The following FAM47E variants were observed in gnomAD, a reference collection of about 807,000 sequenced individuals.
FAM47E encodes the protein protein FAM47E.
A neutral mutation model predicts 41.6 loss-of-function variants in FAM47E; 32 were observed. The ratio of observed to expected loss-of-function variants is 0.77; its 90% CI spans 0.58 to 1.03. The LOEUF (loss-of-function observed/expected upper bound fraction) is 1.03. FAM47E is among the 50% of genes least tolerant of loss of function. The pLI is 0.00. For synonymous variants in FAM47E, 184 were observed against 188.7 expected, an observed-to-expected ratio of 0.98 and a Z score of 0.20; for missense variants, 424 against 485.4, an observed-to-expected ratio of 0.87 and a Z score of 1.19.
chr4:76,265,774 A>G (rs1451758790), intron 3 of FAM47E, among the ~76,000 whole-genome samples: 1 of 152,186 alleles, frequency 6.6e-6, no homozygotes, highest in East Asian at 1.9e-4. Flanking sequence ...GAGGGGAAAG[A>G]GAGGGGCGTG....
chr4:76,261,224 G>T (rs954732005), intron 2 of FAM47E, among the ~76,000 whole-genome samples: 1 of 152,180 alleles, frequency 6.6e-6, no homozygotes, highest in Non-Finnish European at 1.5e-5. Flanking sequence ...CACTGTTGAT[G>T]AGACTGTAAG....
intron 2 of FAM47E, among the ~76,000 whole-genome samples, chr4:76,258,533 T>C (rs747841501): frequency 3.3e-5 from 5 of 152,166 alleles, no homozygotes; most frequent in African/African-American, 7.2e-5. Context: ...AGTGGGGCAT[T>C]TGGGGACAGG....
chr4:76,274,735 C>A (rs1735027145), intron 5 of FAM47E, among the ~76,000 whole-genome samples: 1 of 152,168 alleles, frequency 6.6e-6, no homozygotes, highest in Admixed American at 6.5e-5. Flanking sequence ...TGTGTAAGTG[C>A]TGGACACTGC....
At position 76,256,311 on chromosome 4, in the gene FAM47E, C is replaced by T. The variant is rs1262694711; in HGVS notation, c.208C>T (p.Pro70Ser). 6.4e-7 allele frequency: 1 copy of T among 1,551,562 alleles called. No individual in the cohort carries two copies. The highest frequency in any genetic ancestry group is 8.7e-7 in the Non-Finnish European group (1 of 1,147,010). Residue 70 changes from proline to serine, a missense_variant, in exon 2 of 8, where the codon CCT becomes TCT. Physicochemically the swap from Pro to Ser is moderately conservative, Grantham distance 74. Transcript: ENST00000424749. ...TTGCACTGGTCTGGTGACTCAGGTC[C>T]CTGTGGAGGGCTTTCTGCCCCAGAT... ...PPCTGLVTQV[P>S]VEGFLPQIYH...
chr4:76,269,865 A>G (rs1373782886), intron 4 of FAM47E, among the ~76,000 whole-genome samples: 2 of 151,834 alleles, frequency 1.3e-5, no homozygotes, highest in Non-Finnish European at 2.9e-5. Flanking sequence ...CCAAGAACCT[A>G]TATAGTTGCC....
At chr4:76,215,930 G>C (rs1175600748) in intron 1 of FAM47E, among the ~76,000 whole-genome samples, 1 of 152,168 alleles carries the variant, frequency 6.6e-6, no homozygotes, top group Non-Finnish European at 1.5e-5. Context: ...GTGTTGGTGT[G>C]GTAGGTTACT....
rs3733254 is a variant in FAM47E at position 76,271,459 on chromosome 4, A to T, written c.670-109A>T. On this transcript the variant is annotated intron_variant, in intron 4 of 7. Transcript: ENST00000424749. ...AATGAATGCTGACTGAGCATTTTCTACCTCTCCCCAAACTACCTCTTTCCT... is the reference window on the plus strand; with the variant it reads ...AATGAATGCTGACTGAGCATTTTCTTCCTCTCCCCAAACTACCTCTTTCCT... The T allele has an allele frequency of 2.7e-4, 350 of 1,297,954 alleles. No homozygotes were observed. In the East Asian group the frequency reaches 8.3e-3, roughly 31 times the overall value. The allele number at this position is 1,297,954 out of a possible 1,614,324, so 80.4% of individuals were successfully genotyped here. A position where few individuals can be genotyped will look rare whatever the true frequency, so the allele number is the denominator to read the frequency against.
At chr4:76,252,891 A>G (rs564519586) in intron 1 of FAM47E, among the ~76,000 whole-genome samples, 6 of 152,316 alleles carry the variant, frequency 3.9e-5, no homozygotes, top group African/African-American at 9.6e-5. Context: ...TAATTGAACT[A>G]GAGACCTTAC....
upstream of FAM47E, among the ~76,000 whole-genome samples, chr4:76,248,518 T>A (rs1322732545): frequency 1.3e-5 from 2 of 152,170 alleles, no homozygotes; most frequent in African/African-American, 4.8e-5. Context: ...CTTGTCCATC[T>A]TGTTCCTAGT....
intron 2 of FAM47E, among the ~76,000 whole-genome samples, chr4:76,220,704 T>C (rs192145651): frequency 9.8e-5 from 15 of 152,354 alleles, no homozygotes; most frequent in Non-Finnish European, 1.9e-4. Flanking sequence ...ATTTCTGATG[T>C]GAGTAATGGT....
At chr4:76,237,358 TTTTTTTGTTTGTTTGTTTG>T (rs1733608170) in intron 2 of FAM47E, among the ~76,000 whole-genome samples, 1 of 137,082 alleles carries the variant, frequency 7.3e-6, no homozygotes, top group African/African-American at 2.6e-5. Flanking sequence ...AGAGTTTTTT[TTTTTTTGTTTGTTTGTTTG>T]TTTTTTTTTT....
At chr4:76,258,637 T>G (rs1219992635) in intron 2 of FAM47E, among the ~76,000 whole-genome samples, 1 of 152,150 alleles carries the variant, frequency 6.6e-6, no homozygotes, top group Non-Finnish European at 1.5e-5. Flanking sequence ...TTTATCCAAG[T>G]GGTGCTGATT....
At chr4:76,228,492 G>A (rs1837868) in intron 2 of FAM47E, among the ~76,000 whole-genome samples, 22,124 of 135,322 alleles carry the variant, frequency 0.16, 1,919 homozygotes, top group East Asian at 0.35. Flanking sequence ...AAAAAAAAAA[G>A]AAAGAAAGAA....
upstream of FAM47E, among the ~76,000 whole-genome samples, chr4:76,249,507 C>G (rs1422021636): frequency 6.6e-6 from 1 of 152,046 alleles, no homozygotes; most frequent in Non-Finnish European, 1.5e-5. Context: ...TTGTCACAAC[C>G]TTTGGAGATT....
chr4:76,228,860 G>A (rs1347741155), intron 2 of FAM47E, among the ~76,000 whole-genome samples: 2 of 152,072 alleles, frequency 1.3e-5, no homozygotes, highest in Non-Finnish European at 2.9e-5. Context: ...AATTTCCTGG[G>A]TGTTCTTTGA....
rs1332240117 is a variant in FAM47E, at chr4:76,256,216, C to T, written c.113C>T (p.Thr38Ile). The T allele has an allele frequency of 1.9e-6, 3 of 1,551,664 alleles. No homozygotes were observed. The Admixed American group carries it at 5.9e-5, about 30-fold the overall frequency. The change falls in exon 2 of 8, where the codon ACC (threonine) becomes ATC (isoleucine). Residue 38 changes from threonine to isoleucine, a missense_variant. By Grantham distance (89) the Thr-to-Ile change is moderately conservative. Coordinates refer to ENST00000424749, the MANE Select transcript of FAM47E (RefSeq NM_001136570.3). ...TKHKNGLKFP[T>I]SLHSRQLVFP... ...CACAAGAACGGGCTGAAGTTCCCCA[C>T]CTCTCTGCACAGCCGGCAGTTGGTA...
In FAM47E at chr4:76,263,801, C is replaced by T. The variant is rs982121618; in HGVS notation, c.518C>T (p.Thr173Met). The change falls in exon 3 of 8, where the codon ACG becomes ATG. Residue 173 changes from threonine to methionine, a missense_variant. By Grantham distance (81) the Thr-to-Met change is moderately conservative (BLOSUM62 -1). Transcript: ENST00000424749. ...ACCAGGAAAGGAATGAAGGAACCCA[C>T]GAAGCTTTTAAAAAAACATTCTACC... ...QDTRKGMKEP[T>M]KLLKKHSTQV... 57 of 1,551,350 alleles carry T rather than the reference C, an allele frequency of 3.7e-5. No individual in the cohort carries two copies. The highest frequency in any genetic ancestry group is 2.1e-4 in the South Asian group (18 of 84,048).
At chr4:76,278,346 C>T in intron 6 of FAM47E, 122 bp downstream of exon 6, 1 of 1,077,868 alleles carries the variant, frequency 9.3e-7, no homozygotes. Context: ...CTCCACCTTG[C>T]ATATTGAATT....
In FAM47E at chr4:76,254,013, T is replaced by C. The variant is rs146201191; in HGVS notation, c.75-2165T>C. ...GCCGCACACCTGTAGTCCCAACTAC[T>C]TGGGGGACTGAGATTGGAGGATCCC... is the stretch of plus-strand genomic sequence containing the variant. On this transcript the variant is annotated intron_variant, in intron 1 of 7. Coordinates refer to ENST00000424749, the MANE Select transcript of FAM47E (RefSeq NM_001136570.3). Among the ~76,000 whole-genome samples, 305 of 151,978 alleles carry C rather than the reference T, an allele frequency of 2.0e-3. 1 individual carries two copies. The highest frequency in any genetic ancestry group is 3.4e-3 in the Non-Finnish European group (234 of 67,964).
Sources: gnomAD v4.1 joint callset for allele counts (sites outside exome capture counted in the v4.1 genomes callset) on GRCh38, gnomAD v4.1.1 for gene constraint, MANE v1.5 for transcripts, NCBI Gene and HGNC (gene_info 2026-07-23, HGNC 2026-07-21) for gene names.